Variants in CNTN5 observed in about 807,000 individuals in gnomAD.
CNTN5 encodes the protein contactin-5.
A neutral mutation model predicts 129.1 loss-of-function variants in CNTN5; 77 were observed. That is an observed-to-expected ratio of 0.60 (90% CI 0.50 to 0.72). The LOEUF is 0.72. Among genes scored for constraint, CNTN5 ranks in the 30% least tolerant of loss-of-function variants. The probability of loss-of-function intolerance (pLI) is 0.00; values close to 1 mark genes in which losing one functional copy is unlikely to be tolerated. For synonymous variants in CNTN5, 509 were observed against 465.6 expected (o/e 1.09, Z -1.20); for missense variants, 1,478 against 1,328.8 (o/e 1.11, Z -1.75).
chr11:100,356,454 T>G lies in CNTN5; in HGVS notation c.*234T>G. On this transcript the variant is annotated 3_prime_UTR_variant, in exon 25 of 25. Coordinates refer to ENST00000524871, the MANE Select transcript of CNTN5 (RefSeq NM_014361.4). The stretch of plus-strand genomic sequence containing the variant: ...TAGTCCAGTAAAAATATGCAGATTG[T>G]ATGTAATGAATTTTTGTAAACAAAG... 1 of 505,336 alleles carries G rather than the reference T, an allele frequency of 2.0e-6. No individual in the cohort carries two copies. Among genetic ancestry groups the G allele is most frequent in the Non-Finnish European group, 3.5e-6 (1 of 285,204 alleles). 31.3% of individuals were successfully genotyped at this position (505,336 alleles called of 1,614,324 possible). A position where few individuals can be genotyped will look rare whatever the true frequency, so the allele number is the denominator to read the frequency against.
chr11:99,105,625 A>G lies in CNTN5; in HGVS notation c.-210+84355A>G, dbSNP rs117824613. The stretch of plus-strand genomic sequence containing the variant: ...CTAAATTTCAAACATGACAAAGACA[A>G]GAGCATCATTTTGCTGTCGTTTTCT... On this transcript the variant is annotated intron_variant, in intron 1 of 24. Transcript: ENST00000524871. Among the ~76,000 whole-genome samples, 959 of 152,302 alleles carry G rather than the reference A, an allele frequency of 6.3e-3. 8 individuals carry two copies. Among genetic ancestry groups the G allele is most frequent in the Non-Finnish European group, 0.01 (704 of 68,004 alleles).
At position 99,481,587 on chromosome 11, in the gene CNTN5, T is replaced by G. The variant is rs11220126; in HGVS notation, c.-70-74558T>G. 4.8e-3 allele frequency among the ~76,000 whole-genome samples: 737 copies of G among 152,320 alleles called. 3 individuals carry two copies. The highest frequency in any genetic ancestry group is 0.016 in the African/African-American group (668 of 41,574). On this transcript the variant is annotated intron_variant, in intron 2 of 24. Coordinates refer to ENST00000524871, the MANE Select transcript of CNTN5 (RefSeq NM_014361.4). ...CCACTGAGTAAAATATTAAAACAAC[T>G]TAATCACTCAGTATTACCTACAAAT...
At chr11:99,970,816 G>A (rs1285750632) in intron 8 of CNTN5, among the ~76,000 whole-genome samples, 2 of 152,158 alleles carry the variant, frequency 1.3e-5, no homozygotes. Context: ...AGATAAAGGG[G>A]ATGGATGGGC....
At chr11:100,344,317 A>G (rs1952230805) in intron 23 of CNTN5, among the ~76,000 whole-genome samples, 1 of 152,186 alleles carries the variant, frequency 6.6e-6, no homozygotes. Context: ...TTGAAACATA[A>G]TAAATGCAGA....
At chr11:100,246,075 T>G (rs1404381393) in intron 16 of CNTN5, among the ~76,000 whole-genome samples, 1 of 152,248 alleles carries the variant, frequency 6.6e-6, no homozygotes, top group East Asian at 1.9e-4. Context: ...TTTCACATAT[T>G]TTCTATTTTG....
chr11:100,042,223 C>G (rs562831904), intron 9 of CNTN5, among the ~76,000 whole-genome samples: 2 of 148,814 alleles, frequency 1.3e-5, no homozygotes, highest in Non-Finnish European at 3.0e-5. Flanking sequence ...GTTTTGTTCT[C>G]TCTCTTTTTT....
At chr11:99,615,483 G>A (rs539476180) in intron 3 of CNTN5, among the ~76,000 whole-genome samples, 7 of 151,978 alleles carry the variant, frequency 4.6e-5, no homozygotes, top group Non-Finnish European at 1.0e-4. Context: ...ACCTATATTT[G>A]GATGAATAGT....
At chr11:99,831,808 G>C (rs1055794847) in intron 4 of CNTN5, among the ~76,000 whole-genome samples, 1 of 151,922 alleles carries the variant, frequency 6.6e-6, no homozygotes, top group Non-Finnish European at 1.5e-5. Flanking sequence ...TTTTAATTTT[G>C]AGTCAGCTCA....
intron 3 of CNTN5, among the ~76,000 whole-genome samples, chr11:99,616,390 C>T (rs1209763978): frequency 6.6e-6 from 1 of 152,136 alleles, no homozygotes; most frequent in African/African-American, 2.4e-5. Context: ...AACATCAGTT[C>T]TCTTAACTAT....
chr11:99,709,949 A>G (rs1954904775), intron 3 of CNTN5, among the ~76,000 whole-genome samples: 1 of 151,820 alleles, frequency 6.6e-6, no homozygotes, highest in African/African-American at 2.4e-5. Context: ...TCAGTGATTA[A>G]AGTACATTTG....
chr11:99,629,379 A>T (rs929734587), intron 3 of CNTN5, among the ~76,000 whole-genome samples: 7 of 152,088 alleles, frequency 4.6e-5, no homozygotes, highest in African/African-American at 1.7e-4. Flanking sequence ...TTTCCTCTAA[A>T]TTCTAAAAAC....
At position 99,902,242 on chromosome 11, in the gene CNTN5, G is replaced by GTT. The variant is rs35494270; in HGVS notation, c.578-13796_578-13795dup. 2.7e-3 allele frequency among the ~76,000 whole-genome samples: 395 copies of GTT among 143,746 alleles called. 3 individuals carry two copies. Among genetic ancestry groups the GTT allele is most frequent in the Middle Eastern group, 0.011 (3 of 278 alleles). 94.3% of individuals were successfully genotyped at this position (143,746 alleles called of 152,430 possible). On this transcript the variant is annotated intron_variant, in intron 6 of 24. Coordinates refer to ENST00000524871, the MANE Select transcript of CNTN5 (RefSeq NM_014361.4). ...TTTTGTACAGCCCGCAAGCTAAGGA[G>GTT]TTTTTTTTTTTTTTTTTAACATTTT...
intron 16 of CNTN5, among the ~76,000 whole-genome samples, chr11:100,231,377 G>A (rs1477395086): frequency 1.3e-5 from 2 of 152,142 alleles, no homozygotes; most frequent in Admixed American, 6.5e-5. Context: ...AGGAAGGGGT[G>A]TGTATATATT....
At chr11:99,338,795 T>G (rs1200252589) in intron 2 of CNTN5, among the ~76,000 whole-genome samples, 1 of 151,578 alleles carries the variant, frequency 6.6e-6, no homozygotes, top group East Asian at 1.9e-4. Flanking sequence ...ATGTAAATTG[T>G]GTCAACTTTA....
At chr11:99,316,862 G>T (rs1865363958) in intron 1 of CNTN5, among the ~76,000 whole-genome samples, 1 of 152,070 alleles carries the variant, frequency 6.6e-6, no homozygotes, top group Admixed American at 6.6e-5. Context: ...AGAAATGATC[G>T]CGGGCTCTGG....
At chr11:99,509,355 C>T (rs753696554) in intron 2 of CNTN5, among the ~76,000 whole-genome samples, 4 of 152,154 alleles carry the variant, frequency 2.6e-5, no homozygotes, top group Non-Finnish European at 4.4e-5. Flanking sequence ...TGTAAACAAA[C>T]ATTAAAGATT....
intron 1 of CNTN5, among the ~76,000 whole-genome samples, chr11:99,106,296 A>G (rs935572101): frequency 6.6e-6 from 1 of 152,132 alleles, no homozygotes; most frequent in Non-Finnish European, 1.5e-5. Flanking sequence ...TAAAGTGCAG[A>G]TAACAAAATT....
At chr11:99,876,445 A>C (rs1948634707) in intron 6 of CNTN5, among the ~76,000 whole-genome samples, 1 of 152,078 alleles carries the variant, frequency 6.6e-6, no homozygotes, top group Non-Finnish European at 1.5e-5. Flanking sequence ...CCTTTGTTCC[A>C]GGCAATGCAT....
At chr11:99,423,115 T>C (rs1942972984) in intron 2 of CNTN5, among the ~76,000 whole-genome samples, 2 of 152,164 alleles carry the variant, frequency 1.3e-5, no homozygotes, top group Admixed American at 1.3e-4. Flanking sequence ...ATACATATCA[T>C]TACATATGTC....
Sources: gnomAD v4.1 joint callset for allele counts (sites outside exome capture counted in the v4.1 genomes callset) on GRCh38, gnomAD v4.1.1 for gene constraint, MANE v1.5 for transcripts, NCBI Gene and HGNC (gene_info 2026-07-23, HGNC 2026-07-21) for gene names.